Variants in DOCK4 observed in about 807,000 individuals in gnomAD.
The protein encoded by DOCK4 is dedicator of cytokinesis 4.
A neutral mutation model predicts 268.1 loss-of-function variants in DOCK4; 97 were observed. The observed-to-expected ratio is 0.36, with a 90% confidence interval of 0.31 to 0.43. The LOEUF (loss-of-function observed/expected upper bound fraction) is 0.43. DOCK4 is among the 20% of genes least tolerant of loss of function. DOCK4 has a pLI of 1.00. For missense variants in DOCK4, 2,145 were observed against 2,455.7 expected, an observed-to-expected ratio of 0.87 and a Z score of 2.67; for synonymous variants, 954 against 887.2, an observed-to-expected ratio of 1.08 and a Z score of -1.34.
chr7:111,926,389 C>T (rs541622497), intron 12 of DOCK4, among the ~76,000 whole-genome samples: 523 of 140,130 alleles, frequency 3.7e-3, no homozygotes, highest in Non-Finnish European at 6.3e-3. Context: ...CGAGATCACG[C>T]CACTGCACTC....
chr7:111,924,841 A>C lies in DOCK4; in HGVS notation c.1067-8937T>G, dbSNP rs367992711. 4.6e-5 allele frequency among the ~76,000 whole-genome samples: 7 copies of C among 152,326 alleles called. No homozygotes were observed. In the East Asian group the frequency reaches 1.4e-3, roughly 29 times the overall value. On this transcript the variant is annotated intron_variant, in intron 12 of 52. Transcript: ENST00000428084. The stretch of plus-strand genomic sequence containing the variant: ...TCAATAATGGTTGTTCCATTGGAGG[A>C]GGATGGTGCAGCTCTTCACACTGCC...
intron 8 of DOCK4, among the ~76,000 whole-genome samples, chr7:111,974,688 A>G (rs1798034367): frequency 6.6e-6 from 1 of 151,996 alleles, no homozygotes; most frequent in African/African-American, 2.4e-5. Context: ...GCCCAGCCAC[A>G]TTACAGACCA....
At chr7:111,940,283 T>G in intron 10 of DOCK4, 41 bp from the exon 11 acceptor site, 1 of 1,613,176 alleles carries the variant, frequency 6.2e-7, no homozygotes, top group Non-Finnish European at 8.5e-7. Flanking sequence ...TGGAGCCATT[T>G]GATTAGATGC....
intron 5 of DOCK4, among the ~76,000 whole-genome samples, chr7:111,991,098 C>G (rs911937526): frequency 6.6e-6 from 1 of 152,218 alleles, no homozygotes; most frequent in Admixed American, 6.5e-5. Context: ...CCTGCCTGCT[C>G]TTGGGAAAGG....
chr7:112,065,597 G>A (rs1204009222), intron 1 of DOCK4, among the ~76,000 whole-genome samples: 1 of 149,160 alleles, frequency 6.7e-6, no homozygotes, highest in Non-Finnish European at 1.5e-5. Context: ...AATTCCTGAG[G>A]GCACTTATTA....
At chr7:112,200,725 T>TAAAAAAAAAAAAAAAAA (rs1335683859) in intron 1 of DOCK4, among the ~76,000 whole-genome samples, 1 of 102,736 alleles carries the variant, frequency 9.7e-6, no homozygotes, top group Non-Finnish European at 1.9e-5. Context: ...GCCTCTAAAA[T>TAAAAAAAAAAAAAAAAA]AAAAAAAAAA....
chr7:111,773,690 A>G (rs1231119810), intron 36 of DOCK4, among the ~76,000 whole-genome samples: 5 of 152,202 alleles, frequency 3.3e-5, no homozygotes, highest in Non-Finnish European at 7.3e-5. Context: ...GCTAGGCACT[A>G]TTCTAAGAAC....
chr7:111,763,658 A>G (rs963241209), intron 39 of DOCK4, among the ~76,000 whole-genome samples: 1 of 152,030 alleles, frequency 6.6e-6, no homozygotes, highest in Non-Finnish European at 1.5e-5. Context: ...GAGGGAGACG[A>G]CCTACTGTGG....
chr7:111,762,001 C>T (rs1168375201), intron 39 of DOCK4, among the ~76,000 whole-genome samples: 1 of 152,080 alleles, frequency 6.6e-6, no homozygotes, highest in Non-Finnish European at 1.5e-5. Context: ...TTTGAATATC[C>T]TAGTAAATGA....
intron 42 of DOCK4, among the ~76,000 whole-genome samples, chr7:111,754,707 C>T (rs934318158): frequency 3.3e-5 from 5 of 152,310 alleles, no homozygotes; most frequent in Admixed American, 2.6e-4. Context: ...GGGTGGGGTC[C>T]CACCCTGGAT....
chr7:111,928,323 G>C (rs1031571313), intron 12 of DOCK4, among the ~76,000 whole-genome samples: 4 of 152,064 alleles, frequency 2.6e-5, no homozygotes, highest in Non-Finnish European at 4.4e-5. Context: ...CTTGCAAACA[G>C]TATTGCTAGT....
intron 1 of DOCK4, among the ~76,000 whole-genome samples, chr7:112,152,552 G>A (rs936418236): frequency 2.0e-5 from 3 of 152,162 alleles, no homozygotes; most frequent in Non-Finnish European, 4.4e-5. Flanking sequence ...AACAAAAAGG[G>A]TATATGCAGT....
intron 1 of DOCK4, among the ~76,000 whole-genome samples, chr7:112,160,262 A>G (rs560930397): frequency 4.1e-4 from 62 of 152,298 alleles, no homozygotes; most frequent in African/African-American, 1.4e-3. Flanking sequence ...GCTTTTGTGA[A>G]TATCAAATGA....
intron 34 of DOCK4, among the ~76,000 whole-genome samples, chr7:111,783,392 T>TA (rs200670075): frequency 0.019 from 2,939 of 152,144 alleles, 98 homozygotes; most frequent in African/African-American, 0.066. Flanking sequence ...AATATAAAAA[T>TA]AAAAAACATA....
intron 36 of DOCK4, among the ~76,000 whole-genome samples, chr7:111,773,796 C>T (rs1381602993): frequency 6.6e-6 from 1 of 151,838 alleles, no homozygotes; most frequent in Non-Finnish European, 1.5e-5. Context: ...GCAGGTGGAT[C>T]TTCTGAGCTT....
At chr7:111,927,911 T>A (rs1760984833) in intron 12 of DOCK4, among the ~76,000 whole-genome samples, 1 of 152,146 alleles carries the variant, frequency 6.6e-6, no homozygotes, top group South Asian at 2.1e-4. Context: ...GAAAAGTACA[T>A]CCTTATCTCT....
chr7:111,982,335 T>C (rs982961440), intron 7 of DOCK4, among the ~76,000 whole-genome samples: 2 of 152,224 alleles, frequency 1.3e-5, no homozygotes, highest in East Asian at 1.9e-4. Flanking sequence ...ATTTCTATCA[T>C]GTTTTATCTT....
chr7:111,954,849 G>A (rs540982479), intron 8 of DOCK4, among the ~76,000 whole-genome samples: 1 of 151,974 alleles, frequency 6.6e-6, no homozygotes, highest in Non-Finnish European at 1.5e-5. Context: ...GGTTCGAACC[G>A]ATACAAAGAG....
chr7:112,027,251 G>A (rs1012775498), intron 1 of DOCK4, among the ~76,000 whole-genome samples: 2 of 152,070 alleles, frequency 1.3e-5, no homozygotes, highest in African/African-American at 4.8e-5. Flanking sequence ...TTGAGAGAGA[G>A]TCTCGCTTTG....
Sources: gnomAD v4.1 joint callset for allele counts (sites outside exome capture counted in the v4.1 genomes callset) on GRCh38, gnomAD v4.1.1 for gene constraint, MANE v1.5 for transcripts, NCBI Gene and HGNC (gene_info 2026-07-23, HGNC 2026-07-21) for gene names.